MORN1: variants seen among roughly 807,000 people sequenced by gnomAD.
The protein encoded by MORN1 is MORN repeat-containing protein 1.
A neutral mutation model predicts 61.9 loss-of-function variants in MORN1; 67 were observed. That is an observed-to-expected ratio of 1.08 (90% CI 0.89 to 1.33). The LOEUF (loss-of-function observed/expected upper bound fraction) is 1.33. Among genes scored for constraint, MORN1 ranks in the 40% most tolerant of loss-of-function variants. The probability of loss-of-function intolerance (pLI) is 0.00; values close to 1 mark genes in which losing one functional copy is unlikely to be tolerated. For missense variants in MORN1, 752 were observed against 691.2 expected, an observed-to-expected ratio of 1.09 and a Z score of -0.99; for synonymous variants, 301 against 292.0, an observed-to-expected ratio of 1.03 and a Z score of -0.31.
At chr1:2,336,656 G>T in intron 11 of MORN1, 61 bp downstream of exon 11, 1 of 1,567,564 alleles carries the variant, frequency 6.4e-7, no homozygotes, top group South Asian at 1.2e-5. Flanking sequence ...TTGAGGTGGT[G>T]GGTGGGCAGG....
chr1:2,324,283 G>C (rs932571335), intron 12 of MORN1, 140 bp from the exon 13 acceptor site: 44 of 817,764 alleles, frequency 5.4e-5, no homozygotes, highest in African/African-American at 5.3e-4. Context: ...CCCCACCTCG[G>C]GGCCATGGGC....
chr1:2,323,471 T>G (rs2645075), intron 13 of MORN1: 3 of 985,262 alleles, frequency 3.0e-6, no homozygotes, highest in Non-Finnish European at 3.6e-6. Flanking sequence ...TCAGCCGCGG[T>G]GCCCAGGTCC....
At chr1:2,336,901 G>T in intron 10 of MORN1, 51 bp from the exon 11 acceptor site, 1 of 1,486,200 alleles carries the variant, frequency 6.7e-7, no homozygotes, top group Non-Finnish European at 9.0e-7. Flanking sequence ...GGGCGGAGAC[G>T]GAGGGAGCCC....
intron 10 of MORN1, among the ~76,000 whole-genome samples, chr1:2,339,805 G>A (rs1178822257): frequency 6.6e-6 from 1 of 152,184 alleles, no homozygotes; most frequent in Non-Finnish European, 1.5e-5. Flanking sequence ...CCTGGCCCCG[G>A]CCTGATGCTG....
rs770270651 is a variant in MORN1 at position 2,357,444 on chromosome 1, C to A, written c.1024G>T (p.Gly342Cys). 1 of 1,607,630 alleles carries A rather than the reference C, an allele frequency of 6.2e-7. No homozygotes were observed. The highest frequency in any genetic ancestry group is 1.7e-5 in the Admixed American group (1 of 59,112). Residue 342 changes from glycine to cysteine, a missense_variant, in exon 10 of 14, where the codon GGT (glycine) becomes TGT (cysteine). Gly to Cys is a radical substitution (Grantham distance 159, BLOSUM62 -3). Transcript: ENST00000378531. The surrounding 1 kb of genome is among the most constrained non-coding windows in gnomAD (Gnocchi z 6.3). ...GAGCTCCACTTACCAAGCAGGCCACCAGGGGTGTCCTCCTGGCCATGGAGG... is the reference window on the plus strand; with the variant it reads ...GAGCTCCACTTACCAAGCAGGCCACAAGGGGTGTCCTCCTGGCCATGGAGG... The part of the protein sequence containing the change: ...GALHGQEDTP[G>C]GLLARGHAPH...
chr1:2,331,378 G>A (rs1641144766), intron 12 of MORN1, among the ~76,000 whole-genome samples: 1 of 152,222 alleles, frequency 6.6e-6, no homozygotes, highest in African/African-American at 2.4e-5. Flanking sequence ...GGGTGGGCGG[G>A]CTTCTCCCAG....
intron 6 of MORN1, among the ~76,000 whole-genome samples, chr1:2,380,338 G>C (rs1642343950): frequency 6.6e-6 from 1 of 152,186 alleles, no homozygotes; most frequent in Non-Finnish European, 1.5e-5. Flanking sequence ...CCACGCCACT[G>C]CACGCTTAAA....
intron 6 of MORN1, among the ~76,000 whole-genome samples, chr1:2,382,529 A>C (rs1044309299): frequency 2.6e-5 from 4 of 151,022 alleles, no homozygotes; most frequent in Non-Finnish European, 4.4e-5. Flanking sequence ...GGGAATCGTC[A>C]TGGTGGCAGT....
rs902640995 is a variant in MORN1 at position 2,357,962 on chromosome 1, G to C, written c.870-364C>G. The stretch of plus-strand genomic sequence containing the variant: ...CAGGAGAAGGGCCGGTGGGAAAAGG[G>C]AGTGTGAGAGCTGTGGCGTCACACT... On this transcript the variant is annotated intron_variant, in intron 9 of 13. Transcript: ENST00000378531. This position sits in a 1 kb window ranked among gnomAD's most constrained non-coding sequence, Gnocchi z 6.3. Among the ~76,000 whole-genome samples the C allele has an allele frequency of 1.3e-5, 2 of 152,204 alleles. No individual in the cohort carries two copies. The highest frequency in any genetic ancestry group is 4.8e-5 in the African/African-American group (2 of 41,452).
At chr1:2,351,085 C>G (rs1396189736) in intron 10 of MORN1, 2 of 152,664 alleles carry the variant, frequency 1.3e-5, no homozygotes, top group African/African-American at 4.8e-5. Flanking sequence ...CTGGCCCAGT[C>G]CCCCATGCAC....
In MORN1 at chr1:2,372,647, C is replaced by T. The variant is rs1642147515; in HGVS notation, c.635-56G>A. 1 of 1,432,586 alleles carries T rather than the reference C, an allele frequency of 7.0e-7. No homozygotes were observed. Among genetic ancestry groups the T allele is most frequent in the African/African-American group, 1.4e-5 (1 of 70,876 alleles). The allele number at this position is 1,432,586 out of a possible 1,614,324, so 88.7% of individuals were successfully genotyped here. A position where few individuals can be genotyped will look rare whatever the true frequency, so the allele number is the denominator to read the frequency against. ...TGACTGGCATGGTCCCCCACCCACCCCATGGCTGAGTCAGCAGTGGGCACC... is the reference window on the plus strand; with the variant it reads ...TGACTGGCATGGTCCCCCACCCACCTCATGGCTGAGTCAGCAGTGGGCACC... On this transcript the variant is annotated intron_variant, in intron 7 of 13. Coordinates refer to ENST00000378531, the MANE Select transcript of MORN1 (RefSeq NM_024848.3). This position sits in a 1 kb window ranked among gnomAD's most constrained non-coding sequence, Gnocchi z 5.4.
rs948523077 is a variant in MORN1 at position 2,337,674 on chromosome 1, C to T, written c.1037-824G>A. Among the ~76,000 whole-genome samples, 6 of 152,328 alleles carry T rather than the reference C, an allele frequency of 3.9e-5. No homozygotes were observed. The highest frequency in any genetic ancestry group is 3.9e-4 in the East Asian group (2 of 5,184). ...ACACACATCAGAGCCCACGTTCCTA[C>T]GAGCAGCTCGGAGCTGTCCTGACAC... On this transcript the variant is annotated intron_variant, in intron 10 of 13. Coordinates refer to ENST00000378531, the MANE Select transcript of MORN1 (RefSeq NM_024848.3). The surrounding 1 kb of genome is among the most constrained non-coding windows in gnomAD (Gnocchi z 5.7).
chr1:2,374,340 C>A, intron 7 of MORN1, 121 bp downstream of exon 7: 1 of 757,032 alleles, frequency 1.3e-6, no homozygotes, highest in South Asian at 1.8e-5. Flanking sequence ...TTTTATATTC[C>A]ACTTTGCCCC....
chr1:2,365,797 G>A (rs905173688), intron 8 of MORN1, among the ~76,000 whole-genome samples: 1 of 152,022 alleles, frequency 6.6e-6, no homozygotes. Flanking sequence ...AAACCAGTTA[G>A]AATGGCAATC....
At position 2,372,488 on chromosome 1, in the gene MORN1, A is replaced by ATCTCCCCCTGGAG; in HGVS notation, c.737_738insCTCCAGGGGGAGA (p.Ala247SerfsTer29). The ATCTCCCCCTGGAG allele has an allele frequency of 6.2e-7, 1 of 1,612,544 alleles. No individual in the cohort carries two copies. Among genetic ancestry groups the ATCTCCCCCTGGAG allele is most frequent in the Admixed American group, 1.7e-5 (1 of 59,558 alleles). On this transcript the variant is annotated frameshift_variant, in exon 8 of 14. Coordinates refer to ENST00000378531, the MANE Select transcript of MORN1 (RefSeq NM_024848.3). LOFTEE classifies it high-confidence loss of function. This position sits in a 1 kb window ranked among gnomAD's most constrained non-coding sequence, Gnocchi z 5.4. ...CCCCCTGGAGATGCTTACTCTTGGC[A>ATCTCCCCCTGGAG]ATTTCCCCGTGGTCCTGCAGCAGCT...
chr1:2,385,964 C>T, intron 4 of MORN1, 67 bp from the exon 5 acceptor site: 2 of 1,429,624 alleles, frequency 1.4e-6, no homozygotes, highest in Admixed American at 3.4e-5. Context: ...GGGATCTGCC[C>T]TCCGCTCCTT....
chr1:2,388,649 C>G, intron 2 of MORN1: 3 of 315,256 alleles, frequency 9.5e-6, no homozygotes, highest in Non-Finnish European at 1.8e-5. Context: ...TGTGGTGGTA[C>G]GTGTTTGTGG....
rs147909187 is a variant in MORN1, at chr1:2,372,815, A to T, written c.635-224T>A. The stretch of plus-strand genomic sequence containing the variant: ...AGGCTCGGCTCTGCTGGCCTGGAGC[A>T]CTGTGGAATCGAACCAAGTGGACCA... On this transcript the variant is annotated intron_variant, in intron 7 of 13. Transcript: ENST00000378531. The surrounding 1 kb of genome is among the most constrained non-coding windows in gnomAD (Gnocchi z 5.4). Among the ~76,000 whole-genome samples the T allele has an allele frequency of 3.9e-5, 6 of 152,366 alleles. No individual in the cohort carries two copies. Among genetic ancestry groups the T allele is most frequent in the African/African-American group, 1.4e-4 (6 of 41,590 alleles).
chr1:2,344,257 A>G (rs1157806270), intron 10 of MORN1, among the ~76,000 whole-genome samples: 1 of 152,080 alleles, frequency 6.6e-6, no homozygotes, highest in Admixed American at 6.5e-5. Context: ...GCCAGGCACA[A>G]GGGGCTGGCG....
Sources: gnomAD v4.1 joint callset for allele counts (sites outside exome capture counted in the v4.1 genomes callset) on GRCh38, gnomAD v4.1.1 for gene constraint, Gnocchi (gnomAD v3.1) non-coding constraint, MANE v1.5 for transcripts, NCBI Gene and HGNC (gene_info 2026-07-23, HGNC 2026-07-21) for gene names.